Variants in AGMO observed in about 807,000 individuals in gnomAD.
AGMO encodes alkylglycerol monooxygenase, also known as glyceryl-ether monooxygenase.
Under a neutral mutation model 60.2 loss-of-function variants are expected in AGMO, and 75 were observed. The observed-to-expected ratio is 1.25, with a 90% confidence interval of 1.03 to 1.51. The LOEUF (loss-of-function observed/expected upper bound fraction) is 1.51. Ranked by LOEUF, AGMO falls within the 40% of genes most tolerant of loss-of-function variation. The probability of loss-of-function intolerance (pLI) is 0.00; values close to 1 mark genes in which losing one functional copy is unlikely to be tolerated. For missense variants in AGMO, 763 were observed against 525.5 expected, an observed-to-expected ratio of 1.45 and a Z score of -4.42; for synonymous variants, 261 against 177.1, an observed-to-expected ratio of 1.47 and a Z score of -3.76.
At chr7:15,435,558 T>G (rs535134704) in intron 3 of AGMO, among the ~76,000 whole-genome samples, 8 of 152,292 alleles carry the variant, frequency 5.3e-5, no homozygotes, top group Admixed American at 4.6e-4. Flanking sequence ...GTGCCCATAT[T>G]TTAAATGGGT....
At chr7:15,125,423 G>A in the AGMO span, among the ~76,000 whole-genome samples, 1 of 152,180 alleles carries the variant, frequency 6.6e-6, no homozygotes, top group African/African-American at 2.4e-5. Flanking sequence ...ATAGCTTAAT[G>A]CTAAGATGTG....
At chr7:15,335,812 C>A (rs551416162) in intron 12 of AGMO, among the ~76,000 whole-genome samples, 1 of 152,288 alleles carries the variant, frequency 6.6e-6, no homozygotes, top group Admixed American at 6.5e-5. Flanking sequence ...GTTGTGGTTT[C>A]AGTAGCCATT....
At chr7:15,118,247 CA>C in the AGMO span, among the ~76,000 whole-genome samples, 1 of 150,312 alleles carries the variant, frequency 6.7e-6, no homozygotes, top group African/African-American at 2.5e-5. Context: ...ATAGAACATC[CA>C]AAATTCATTC....
intron 12 of AGMO, among the ~76,000 whole-genome samples, chr7:15,259,988 T>C (rs1230789878): frequency 7.6e-6 from 1 of 131,508 alleles, no homozygotes; most frequent in East Asian, 2.5e-4. Flanking sequence ...CCTTACAGTA[T>C]AAATCTCACA....
At chr7:15,314,631 A>G (rs995372898) in intron 12 of AGMO, among the ~76,000 whole-genome samples, 4 of 152,192 alleles carry the variant, frequency 2.6e-5, no homozygotes, top group African/African-American at 9.7e-5. Flanking sequence ...ACATATCAAA[A>G]AACAATATTC....
intron 3 of AGMO, among the ~76,000 whole-genome samples, chr7:15,526,532 C>T (rs1784133340): frequency 1.3e-5 from 2 of 152,118 alleles, no homozygotes; most frequent in Admixed American, 1.3e-4. Flanking sequence ...GTAAGTCTTA[C>T]CTCCCTAAAA....
At chr7:15,381,769 C>T (rs1416336558) in intron 10 of AGMO, among the ~76,000 whole-genome samples, 3 of 152,076 alleles carry the variant, frequency 2.0e-5, no homozygotes, top group Admixed American at 6.6e-5. Context: ...ATGGAATCAA[C>T]CTAAATGCCC....
chr7:15,561,633 A>T (rs1785309067), intron 1 of AGMO, 87 bp downstream of exon 1: 2 of 1,223,002 alleles, frequency 1.6e-6, no homozygotes, highest in African/African-American at 1.6e-5. Context: ...TGAATAATGA[A>T]AGTGAACAAA....
chr7:15,292,751 C>CTTTTTTTTTTTTTTT (rs765222435), intron 12 of AGMO, among the ~76,000 whole-genome samples: 8 of 95,126 alleles, frequency 8.4e-5, no homozygotes, highest in African/African-American at 2.3e-4. Context: ...TTTTTTTTTC[C>CTTTTTTTTTTTTTTT]TTTTTTTTTT....
chr7:15,468,563 C>A (rs1782354497), intron 3 of AGMO, among the ~76,000 whole-genome samples: 1 of 151,784 alleles, frequency 6.6e-6, no homozygotes, highest in African/African-American at 2.4e-5. Context: ...ACACACAAAT[C>A]ATATATATAT....
chr7:15,520,611 T>C (rs1216720170), intron 3 of AGMO, among the ~76,000 whole-genome samples: 1 of 152,020 alleles, frequency 6.6e-6, no homozygotes, highest in African/African-American at 2.4e-5. Flanking sequence ...GGGTAAATAA[T>C]GAAATTAAGG....
chr7:15,446,641 G>T (rs1372387849), intron 3 of AGMO, among the ~76,000 whole-genome samples: 1 of 152,144 alleles, frequency 6.6e-6, no homozygotes, highest in Non-Finnish European at 1.5e-5. Flanking sequence ...ACCTTATAAA[G>T]AATAGATTGC....
chr7:15,208,216 C>T (rs936045890), intron 12 of AGMO, among the ~76,000 whole-genome samples: 2 of 152,060 alleles, frequency 1.3e-5, no homozygotes, highest in African/African-American at 2.4e-5. Flanking sequence ...TTAAACACTA[C>T]AGGGCAGAAA....
At chr7:15,252,026 T>C (rs991331971) in intron 12 of AGMO, among the ~76,000 whole-genome samples, 1 of 152,230 alleles carries the variant, frequency 6.6e-6, no homozygotes, top group African/African-American at 2.4e-5. Context: ...GCATAGGCGA[T>C]TGTGCTTCAT....
chr7:15,397,045 G>C (rs1225221562), intron 5 of AGMO, among the ~76,000 whole-genome samples: 1 of 152,108 alleles, frequency 6.6e-6, no homozygotes, highest in Non-Finnish European at 1.5e-5. Context: ...AGTTCTCCAA[G>C]TCACCACCGG....
At position 15,232,997 on chromosome 7, in the gene AGMO, T is replaced by C. The variant is rs534923671; in HGVS notation, c.1264-31638A>G. On this transcript the variant is annotated intron_variant, in intron 12 of 12. Coordinates refer to ENST00000342526, the MANE Select transcript of AGMO (RefSeq NM_001004320.2). ...TAAAGAGTAAACAGAGGCTATAAAA[T>C]ATAAAATGATTGCATAGATGGAATT... Among the ~76,000 whole-genome samples, 298 of 152,184 alleles carry C rather than the reference T, an allele frequency of 2.0e-3. 2 individuals are homozygous for C. Among genetic ancestry groups the C allele is most frequent in the African/African-American group, 6.8e-3 (284 of 41,546 alleles).
downstream of AGMO, among the ~76,000 whole-genome samples, chr7:15,197,028 A>G (rs938494461): frequency 5.3e-5 from 8 of 151,606 alleles, no homozygotes; most frequent in Non-Finnish European, 1.5e-5. Flanking sequence ...AAAATGTTCT[A>G]ATAATGAATA....
the AGMO span, among the ~76,000 whole-genome samples, chr7:15,147,357 A>G: frequency 5.3e-5 from 8 of 152,306 alleles, no homozygotes; most frequent in East Asian, 1.4e-3. Context: ...AGGCCTCACA[A>G]TCATGGCGGA....
chr7:15,388,832 G>A (rs759504041), intron 8 of AGMO, among the ~76,000 whole-genome samples: 2 of 152,098 alleles, frequency 1.3e-5, no homozygotes, highest in African/African-American at 2.4e-5. Context: ...ACAACTTGCC[G>A]GCTTGACATT....
Sources: allele counts gnomAD v4.1 joint callset (sites outside exome capture counted in the v4.1 genomes callset), GRCh38; gene constraint gnomAD v4.1.1; transcripts MANE v1.5; gene names NCBI Gene and HGNC (gene_info 2026-07-23, HGNC 2026-07-21).